Variants in SLC2A13 observed in about 807,000 individuals in gnomAD.
SLC2A13 encodes proton myo-inositol cotransporter.
A neutral mutation model predicts 64.4 loss-of-function variants in SLC2A13; 32 were observed. That is an observed-to-expected ratio of 0.50 (90% confidence interval 0.37 to 0.67). The LOEUF is 0.67. SLC2A13 is among the 30% of genes least tolerant of loss of function. SLC2A13 has a pLI of 0.00. For missense variants in SLC2A13, 743 were observed against 829.2 expected (o/e 0.90, Z 1.28); for synonymous variants, 338 against 327.1 (o/e 1.03, Z -0.36).
At chr12:39,995,608 T>C (rs1411842637) in intron 3 of SLC2A13, among the ~76,000 whole-genome samples, 1 of 152,224 alleles carries the variant, frequency 6.6e-6, no homozygotes, top group Non-Finnish European at 1.5e-5. Context: ...ACAAATGCAC[T>C]ATCTCAAATA....
intron 4 of SLC2A13, among the ~76,000 whole-genome samples, chr12:39,899,126 T>C (rs1194172007): frequency 6.6e-6 from 1 of 152,152 alleles, no homozygotes; most frequent in Admixed American, 6.6e-5. Flanking sequence ...TCTTTTTGGT[T>C]GGTAAGCTAT....
At chr12:40,077,278 G>C (rs2136278239) in intron 1 of SLC2A13, among the ~76,000 whole-genome samples, 1 of 152,116 alleles carries the variant, frequency 6.6e-6, no homozygotes. Context: ...ACTTTTTACA[G>C]TTTTAGGTTT....
In SLC2A13 at chr12:39,848,307, A is replaced by G. The variant is rs150529147; in HGVS notation, c.1319+16455T>C. 5.5e-3 allele frequency among the ~76,000 whole-genome samples: 844 copies of G among 152,298 alleles called. 5 individuals carry two copies. The highest frequency in any genetic ancestry group is 7.9e-3 in the Non-Finnish European group (538 of 68,020). On this transcript the variant is annotated intron_variant, in intron 6 of 9. Transcript: ENST00000280871. ...GACAAAGGTCTAATATCCAGCATTT[A>G]TAAGGAACTTAGCAAATTTACAAAA...
intron 4 of SLC2A13, among the ~76,000 whole-genome samples, chr12:39,925,801 C>T (rs148906582): frequency 1.3e-5 from 2 of 152,250 alleles, no homozygotes; most frequent in African/African-American, 4.8e-5. Flanking sequence ...TATACTGATG[C>T]TTTAAAAGAA....
chr12:39,865,239 C>T (rs118045658), intron 5 of SLC2A13, among the ~76,000 whole-genome samples: 2,140 of 152,286 alleles, frequency 0.014, 29 homozygotes, highest in Non-Finnish European at 0.02. Flanking sequence ...CCTAACATAT[C>T]AAGAAGCACG....
intron 3 of SLC2A13, among the ~76,000 whole-genome samples, chr12:39,966,368 G>C (rs1400088584): frequency 2.0e-5 from 3 of 151,862 alleles, no homozygotes; most frequent in African/African-American, 7.3e-5. Flanking sequence ...AAATAGATTT[G>C]TTCCAAATTC....
intron 1 of SLC2A13, among the ~76,000 whole-genome samples, chr12:40,062,707 G>T (rs980905645): frequency 6.6e-6 from 1 of 151,964 alleles, no homozygotes; most frequent in Admixed American, 6.6e-5. Context: ...AAATTAAAGG[G>T]TTTACTATAA....
At chr12:40,030,161 G>A (rs11564280) in intron 2 of SLC2A13, among the ~76,000 whole-genome samples, 2 of 152,072 alleles carry the variant, frequency 1.3e-5, no homozygotes, top group South Asian at 4.1e-4. Flanking sequence ...CAACTCTTCT[G>A]GGTCATTTAG....
At chr12:39,834,181 CTT>C (rs1349233970) in intron 6 of SLC2A13, among the ~76,000 whole-genome samples, 1 of 152,042 alleles carries the variant, frequency 6.6e-6, no homozygotes, top group Non-Finnish European at 1.5e-5. Flanking sequence ...ATGCTTTTCT[CTT>C]GTTAATCTCT....
rs28370768 is a variant in SLC2A13, at chr12:40,011,453, C to T, written c.925+16848G>A. ...TTGTTGGGACTCACAGAATTTCATA[C>T]TCTTAGATCTATCAAGAATCTTTTC... On this transcript the variant is annotated intron_variant, in intron 3 of 9. Coordinates refer to ENST00000280871, the MANE Select transcript of SLC2A13 (RefSeq NM_052885.4). Among the ~76,000 whole-genome samples the T allele has an allele frequency of 9.4e-3, 1,431 of 152,280 alleles. 16 individuals carry two copies. The highest frequency in any genetic ancestry group is 0.032 in the African/African-American group (1,341 of 41,550).
chr12:39,858,446 AAG>A (rs1231438014), intron 6 of SLC2A13, among the ~76,000 whole-genome samples: 2 of 152,182 alleles, frequency 1.3e-5, no homozygotes, highest in Non-Finnish European at 2.9e-5. Flanking sequence ...GGAAATTAGT[AAG>A]AAAAAAAAAT....
At chr12:39,765,570 C>CT (rs762401658) in intron 7 of SLC2A13, among the ~76,000 whole-genome samples, 10 of 152,060 alleles carry the variant, frequency 6.6e-5, no homozygotes, top group Non-Finnish European at 1.5e-4. Flanking sequence ...CCTTCAACCT[C>CT]TATCTTTGAA....
At chr12:40,083,606 G>GA (rs1380909811) in intron 1 of SLC2A13, among the ~76,000 whole-genome samples, 1 of 151,940 alleles carries the variant, frequency 6.6e-6, no homozygotes, top group Non-Finnish European at 1.5e-5. Context: ...GGAGAAAAAG[G>GA]AAAAAAAGGA....
intron 4 of SLC2A13, among the ~76,000 whole-genome samples, chr12:39,883,217 T>G (rs1271443842): frequency 6.6e-6 from 1 of 152,178 alleles, no homozygotes; most frequent in Non-Finnish European, 1.5e-5. Context: ...AAAGAAATTT[T>G]TTTTAAAAAA....
rs573016151 is a variant in SLC2A13, at chr12:39,772,616, A to T, written c.1446-7758T>A. On this transcript the variant is annotated intron_variant, in intron 7 of 9. Transcript: ENST00000280871. ...AAATAGGAAAGGAAAGAAAAAAGAG[A>T]AGAAGAAAGAAAAAAGAAAGGCAGG... is the stretch of plus-strand genomic sequence containing the variant. Among the ~76,000 whole-genome samples, 150 of 152,282 alleles carry T rather than the reference A, an allele frequency of 9.9e-4. 3 individuals are homozygous for T. In the South Asian group the frequency reaches 0.015, roughly 16 times the overall value.
chr12:39,989,909 T>C (rs1415274811), intron 3 of SLC2A13, among the ~76,000 whole-genome samples: 1 of 152,186 alleles, frequency 6.6e-6, no homozygotes, highest in Non-Finnish European at 1.5e-5. Flanking sequence ...TCCTAAATAA[T>C]GTAAATGTGT....
chr12:40,033,768 A>T (rs1034094295), intron 2 of SLC2A13, among the ~76,000 whole-genome samples: 4 of 152,088 alleles, frequency 2.6e-5, no homozygotes, highest in South Asian at 2.1e-4. Context: ...AGGTATTTTT[A>T]AAAAAAACCA....
At chr12:39,901,522 G>T (rs1945108809) in intron 4 of SLC2A13, among the ~76,000 whole-genome samples, 1 of 134,528 alleles carries the variant, frequency 7.4e-6, no homozygotes, top group African/African-American at 2.8e-5. Context: ...CCATCAAAAA[G>T]TGGGCAAAGG....
intron 3 of SLC2A13, among the ~76,000 whole-genome samples, chr12:39,977,632 T>C (rs1946788122): frequency 6.6e-6 from 1 of 152,220 alleles, no homozygotes; most frequent in Non-Finnish European, 1.5e-5. Flanking sequence ...GCTCAAAATA[T>C]AACTGAAAAT....
Sources: gnomAD v4.1 joint callset for allele counts (sites outside exome capture counted in the v4.1 genomes callset) on GRCh38, gnomAD v4.1.1 for gene constraint, MANE v1.5 for transcripts, NCBI Gene and HGNC (gene_info 2026-07-23, HGNC 2026-07-21) for gene names.